The following STK26 variants were observed in gnomAD, a reference collection of about 807,000 sequenced individuals.
STK26 encodes serine/threonine-protein kinase 26.
A neutral mutation model predicts 34.7 loss-of-function variants in STK26; 14 were observed. That is an observed-to-expected ratio of 0.40 (90% confidence interval 0.27 to 0.63). The LOEUF is 0.63. Among genes scored for constraint, STK26 ranks in the 30% least tolerant of loss-of-function variants. The probability of loss-of-function intolerance (pLI) is 0.38; values close to 1 mark genes in which losing one functional copy is unlikely to be tolerated. For synonymous variants in STK26, 100 were observed against 109.8 expected (o/e 0.91, Z 0.56); for missense variants, 226 against 309.1 (o/e 0.73, Z 2.02).
At chrX:132,028,710 T>C in intron 2 of STK26, among the ~76,000 whole-genome samples, 1 of 110,901 alleles carries the variant, frequency 9.0e-6, no homozygotes, top group South Asian at 3.8e-4. Flanking sequence ...TAAGGGTGGC[T>C]TTAAGATGTA....
rs1179838510 is a variant in STK26, at chrX:132,044,675, A to C, written c.43-9956A>C. Among the ~76,000 whole-genome samples the C allele has an allele frequency of 5.1e-4, 34 of 66,809 alleles. 3 individuals are homozygous for C. The highest frequency in any genetic ancestry group is 7.4e-4 in the Non-Finnish European group (27 of 36,407). The allele number at this position is 66,809 out of a possible 115,157, so 58.0% of individuals were successfully genotyped here. On this transcript the variant is annotated intron_variant, in intron 2 of 11. Transcript: ENST00000394334. ...TCTCTCTCTCTCTCTCGAGATCTAT[A>C]TATATATATATATAGAGAGAGAGAG... is the stretch of plus-strand genomic sequence containing the variant.
rs899981742 is a variant in STK26 at position 132,041,048 on chromosome X, A to G, written c.43-13583A>G. Among the ~76,000 whole-genome samples the G allele has an allele frequency of 8.0e-5, 9 of 112,246 alleles. No homozygotes were observed. In the Admixed American group the frequency reaches 8.5e-4, roughly 11 times the overall value. On this transcript the variant is annotated intron_variant, in intron 2 of 11. Coordinates refer to ENST00000394334, the MANE Select transcript of STK26 (RefSeq NM_016542.4). Reference sequence around the variant, plus strand: ...CAGTATTTTTTTTCCGCAAAATATCAGACATCATCTCTTCTTTTGTCACAC... The same window carrying G: ...CAGTATTTTTTTTCCGCAAAATATCGGACATCATCTCTTCTTTTGTCACAC...
rs1380183042 is a variant in STK26, at chrX:132,044,784, TA to T, written c.43-9846del. Among the ~76,000 whole-genome samples the T allele has an allele frequency of 7.9e-5, 3 of 38,145 alleles. 1 individual carries two copies. The highest frequency in any genetic ancestry group is 2.7e-4 in the African/African-American group (2 of 7,433). 33.1% of individuals were successfully genotyped at this position (38,145 alleles called of 115,157 possible). A position where few individuals can be genotyped will look rare whatever the true frequency, so the allele number is the denominator to read the frequency against. The stretch of plus-strand genomic sequence containing the variant: ...ATATATATAGAGAGATCTATATATA[TA>T]TTTATATATATAGAGAGAGATCTAT... On this transcript the variant is annotated intron_variant, in intron 2 of 11. Transcript: ENST00000394334.
At chrX:132,032,748 A>C (rs1925888495) in intron 2 of STK26, among the ~76,000 whole-genome samples, 1 of 111,322 alleles carries the variant, frequency 9.0e-6, no homozygotes, top group Non-Finnish European at 1.9e-5. Context: ...ATTATGGAAA[A>C]AGCTTCCCAG....
intron 11 of STK26, among the ~76,000 whole-genome samples, chrX:132,073,539 C>T (rs1188228532): frequency 8.9e-6 from 1 of 111,760 alleles, no homozygotes; most frequent in Non-Finnish European, 1.9e-5. Context: ...GGACTCAATC[C>T]AGACCAAAAA....
At chrX:132,071,007 A>G in intron 7 of STK26, 62 bp from the exon 8 acceptor site, 1 of 1,083,729 alleles carries the variant, frequency 9.2e-7, no homozygotes, top group African/African-American at 1.9e-5. Flanking sequence ...TTTTTTTACC[A>G]TTCCTTGTAA....
At chrX:132,032,455 T>A (rs769278402) in intron 2 of STK26, among the ~76,000 whole-genome samples, 8 of 112,070 alleles carry the variant, frequency 7.1e-5, no homozygotes, top group Non-Finnish European at 1.3e-4. Context: ...GTTTTTGCAT[T>A]TTCCCCATGA....
At chrX:132,031,519 C>G (rs1925837937) in intron 2 of STK26, among the ~76,000 whole-genome samples, 1 of 112,226 alleles carries the variant, frequency 8.9e-6, no homozygotes, top group Admixed American at 9.4e-5. Flanking sequence ...ACTCACAATT[C>G]TACTATCTGT....
chrX:132,033,947 A>G (rs1479970835), intron 2 of STK26, among the ~76,000 whole-genome samples: 1 of 109,563 alleles, frequency 9.1e-6, no homozygotes, highest in Admixed American at 9.9e-5. Flanking sequence ...GGAAACTATC[A>G]TTTATAGAAT....
Position 132,035,641 on chromosome X carries a change from A to G in STK26, c.42+11982A>G, listed in dbSNP as rs1397164763. ...CTTTTATCTTCAAATGCAGACCCTT[A>G]TTAAGAACATGAAATCTGTTTATGC... On this transcript the variant is annotated intron_variant, in intron 2 of 11. Transcript: ENST00000394334. Among the ~76,000 whole-genome samples, 5 of 109,724 alleles carry G rather than the reference A, an allele frequency of 4.6e-5. No individual in the cohort carries two copies. In the East Asian group the frequency reaches 1.4e-3, roughly 31 times the overall value.
At position 132,075,606 on chromosome X, in the gene STK26, A is replaced by G. The variant is rs1042570714; in HGVS notation, c.*1447A>G. 5 of 111,609 alleles carry G rather than the reference A, an allele frequency of 4.5e-5. No homozygotes were observed. Among genetic ancestry groups the G allele is most frequent in the Non-Finnish European group, 7.6e-5 (4 of 52,896 alleles). 9.2% of individuals were successfully genotyped at this position (111,609 alleles called of 1,213,427 possible). A position where few individuals can be genotyped will look rare whatever the true frequency, so the allele number is the denominator to read the frequency against. ...AAGAAAATTCTTTTTATTGGTGCCT[A>G]TATTGTAACAATTATTTTTAATGCA... On this transcript the variant is annotated 3_prime_UTR_variant, in exon 12 of 12. Transcript: ENST00000394334.
intron 8 of STK26, 26 bp from the exon 9 acceptor site, chrX:132,072,242 A>G (rs181122350): frequency 1.5e-5 from 17 of 1,133,761 alleles, no homozygotes; most frequent in Non-Finnish European, 1.9e-5. Context: ...GGGCACTTAT[A>G]GAGGTATCTT....
intron 4 of STK26, among the ~76,000 whole-genome samples, chrX:132,063,735 C>T (rs1927132965): frequency 9.0e-6 from 1 of 111,662 alleles, no homozygotes; most frequent in African/African-American, 3.3e-5. Context: ...ATAAAGTCTC[C>T]CAAATTAGAA....
chrX:132,052,405 A>G (rs1385276685), intron 2 of STK26, among the ~76,000 whole-genome samples: 4 of 111,608 alleles, frequency 3.6e-5, no homozygotes, highest in African/African-American at 9.8e-5. Flanking sequence ...GTTTTGTAGG[A>G]GCATTGTTAG....
intron 9 of STK26, 95 bp from the exon 10 acceptor site, chrX:132,072,718 T>C (rs1927455499): frequency 1.1e-6 from 1 of 905,798 alleles, no homozygotes; most frequent in East Asian, 3.2e-5. Context: ...TTGTTTTCAG[T>C]AGGGGATTCA....
chrX:132,023,743 G>A, intron 2 of STK26, 84 bp downstream of exon 2: 1 of 1,092,812 alleles, frequency 9.2e-7, no homozygotes, highest in South Asian at 2.1e-5. Context: ...CGGCGACAAG[G>A]GACGGCCCCA....
intron 3 of STK26, among the ~76,000 whole-genome samples, chrX:132,055,870 C>T (rs893410376): frequency 1.8e-5 from 2 of 112,065 alleles, no homozygotes; most frequent in Non-Finnish European, 3.8e-5. Flanking sequence ...GGATATCCAT[C>T]TATACCTTTA....
intron 2 of STK26, among the ~76,000 whole-genome samples, chrX:132,043,758 G>A (rs1457968100): frequency 1.8e-5 from 2 of 111,017 alleles, no homozygotes; most frequent in East Asian, 5.6e-4. Flanking sequence ...GTAGACATGT[G>A]GTTCTGGTTA....
intron 6 of STK26, 68 bp from the exon 7 acceptor site, chrX:132,069,410 C>CATATATATATATATATATATATATATAT (rs57609807): frequency 1.2e-5 from 1 of 81,791 alleles, no homozygotes; most frequent in African/African-American, 6.6e-5. Context: ...CATACATACA[C>CATATATATATATATATATATATATATAT]ATATATATAT....
Sources: gnomAD v4.1 joint callset for allele counts (sites outside exome capture counted in the v4.1 genomes callset) on GRCh38, gnomAD v4.1.1 for gene constraint, MANE v1.5 for transcripts, NCBI Gene and HGNC (gene_info 2026-07-23, HGNC 2026-07-21) for gene names.